EDEM3: variants seen among roughly 807,000 people sequenced by gnomAD.
EDEM3 encodes the protein ER degradation enhancing alpha-mannosidase like protein 3, also known as ER degradation-enhancing alpha-mannosidase-like protein 3.
EDEM3 carries 60 observed loss-of-function variants against 110.2 expected under a neutral mutation model. That is an observed-to-expected ratio of 0.54 (90% CI 0.44 to 0.67). EDEM3 has a LOEUF of 0.67. EDEM3 is among the 30% of genes least tolerant of loss of function. The pLI, the probability that EDEM3 is intolerant of heterozygous loss-of-function variation, is 0.00. For missense variants in EDEM3, 996 were observed against 1,121.0 expected (o/e 0.89, Z 1.59); for synonymous variants, 352 against 382.9 (o/e 0.92, Z 0.94).
In EDEM3 at chr1:184,754,631, C is replaced by T. The variant is rs1296740190; in HGVS notation, c.16G>A (p.Gly6Ser). 2 of 1,584,934 alleles carry T rather than the reference C, an allele frequency of 1.3e-6. No individual in the cohort carries two copies. Among genetic ancestry groups the T allele is most frequent in the Non-Finnish European group, 1.7e-6 (2 of 1,165,978 alleles). The change falls in exon 1 of 20, where the codon GGC (glycine) becomes AGC (serine). Residue 6 changes from glycine to serine, a missense_variant. Around this residue, in one of 5 missense-constraint regions of EDEM3, gnomAD observed 200 missense variants for 183.8 expected, o/e 1.09. Coordinates refer to ENST00000318130, the MANE Select transcript of EDEM3 (RefSeq NM_025191.4). MSEAG[G>S]RGCGSPVPQR... ...GGAACCGGGGACCCACAGCCCCGGC[C>T]GCCGGCTTCGCTCATGGCCCCGCGG...
At chr1:184,704,380 T>C (rs1043193769) in intron 18 of EDEM3, among the ~76,000 whole-genome samples, 2 of 151,832 alleles carry the variant, frequency 1.3e-5, no homozygotes, top group Non-Finnish European at 2.9e-5. Flanking sequence ...TTTGGCTGGG[T>C]GCGGTGGCTC....
intron 15 of EDEM3, among the ~76,000 whole-genome samples, 167 bp downstream of exon 15, chr1:184,711,556 T>A (rs1040738850): frequency 3.9e-5 from 6 of 152,216 alleles, no homozygotes; most frequent in African/African-American, 9.6e-5. Context: ...TAAGCTTTAC[T>A]ATCTAACTTT....
Position 184,732,947 on chromosome 1 carries a change from T to C in EDEM3, c.502A>G (p.Lys168Glu). The change falls in exon 6 of 20, where the codon AAA becomes GAA. Residue 168 changes from lysine to glutamate, a missense_variant. Around this residue, in one of 5 missense-constraint regions of EDEM3, gnomAD observed 310 missense variants for 394.6 expected, o/e 0.79. Coordinates refer to ENST00000318130, the MANE Select transcript of EDEM3 (RefSeq NM_025191.4). Reference sequence around the variant, plus strand: ...TTGTACCACTGCATATATTCACCTTTTTCTTTCAGCATGATTGCCAGGGAG... The same window carrying C: ...TTGTACCACTGCATATATTCACCTTCTTCTTTCAGCATGATTGCCAGGGAG... ...GHSLAIMLKEKGEYMQWYNDE... is the reference protein window; with the variant it reads ...GHSLAIMLKEEGEYMQWYNDE... 4 of 1,614,006 alleles carry C rather than the reference T, an allele frequency of 2.5e-6. No homozygotes were observed. Among genetic ancestry groups the C allele is most frequent in the East Asian group, 2.2e-5 (1 of 44,856 alleles).
At chr1:184,734,693 G>A (rs757194771) in intron 4 of EDEM3, 50 bp from the exon 5 acceptor site, 2 of 651,212 alleles carry the variant, frequency 3.1e-6, no homozygotes, top group South Asian at 5.6e-5. Context: ...AAGACAAGGA[G>A]AAACGTTCCT....
chr1:184,740,054 A>G (rs906673857), intron 2 of EDEM3, among the ~76,000 whole-genome samples: 3 of 152,210 alleles, frequency 2.0e-5, no homozygotes, highest in African/African-American at 7.2e-5. Flanking sequence ...ATTTCTACCT[A>G]CTTGCCACGG....
At position 184,708,223 on chromosome 1, in the gene EDEM3, G is replaced by A. The variant is rs1244494971; in HGVS notation, c.1967C>T (p.Pro656Leu). The change falls in exon 17 of 20, where the codon CCA becomes CTA. Residue 656 changes from proline (P) to leucine (L), a missense_variant. This residue lies in a region of EDEM3 where 345 missense variants were observed against 402.0 expected (regional missense o/e 0.86). Transcript: ENST00000318130. ...PPRAVQIVSH[P>L]FFGRVVLTAG... ...AGTCAATACTACCCTGCCAAAAAAT[G>A]GGTGGGAAACAATTTGTACAGCTCG... 2 of 1,613,638 alleles carry A rather than the reference G, an allele frequency of 1.2e-6. No homozygotes were observed. Among genetic ancestry groups the A allele is most frequent in the Non-Finnish European group, 1.7e-6 (2 of 1,179,862 alleles).
chr1:184,698,451 G>A (rs1649442393), intron 19 of EDEM3, among the ~76,000 whole-genome samples: 1 of 151,740 alleles, frequency 6.6e-6, no homozygotes, highest in South Asian at 2.1e-4. Context: ...GCTTTCAAAA[G>A]AATAAGTTAT....
At chr1:184,738,390 T>A (rs1011629389) in intron 2 of EDEM3, among the ~76,000 whole-genome samples, 4 of 152,168 alleles carry the variant, frequency 2.6e-5, no homozygotes, top group Admixed American at 6.5e-5. Flanking sequence ...CCAGAGTCTA[T>A]CCCCTTAGCA....
In EDEM3 at chr1:184,754,820, C is replaced by T; in HGVS notation, c.-174G>A. On this transcript the variant is annotated 5_prime_UTR_variant, in exon 1 of 20. Transcript: ENST00000318130. ...AAGCCACCAAGCCGGTCCCCAGCGC[C>T]AGCGCTGCCACCGCCCTCCGCCCTC... The T allele has an allele frequency of 9.2e-7, 1 of 1,086,566 alleles. No homozygotes were observed. Among genetic ancestry groups the T allele is most frequent in the Non-Finnish European group, 1.2e-6 (1 of 803,622 alleles). The allele number at this position is 1,086,566 out of a possible 1,614,324, so 67.3% of individuals were successfully genotyped here.
At chr1:184,709,982 T>C (rs12093441) in intron 16 of EDEM3, among the ~76,000 whole-genome samples, 79 of 152,286 alleles carry the variant, frequency 5.2e-4, no homozygotes, top group African/African-American at 1.8e-3. Context: ...ATACCTATGA[T>C]GAACAAAATA....
chr1:184,726,690 C>G (rs554743675), intron 6 of EDEM3, among the ~76,000 whole-genome samples: 2 of 152,276 alleles, frequency 1.3e-5, no homozygotes, highest in East Asian at 1.9e-4. Context: ...GGAAATTACA[C>G]AGAGAAGGTA....
chr1:184,737,182 G>A, intron 3 of EDEM3, 118 bp from the exon 4 acceptor site: 4 of 806,442 alleles, frequency 5.0e-6, no homozygotes, highest in Non-Finnish European at 8.2e-6. Flanking sequence ...GTACTTCCAT[G>A]TATCTATAGT....
At chr1:184,751,437 T>C (rs942588286) in intron 1 of EDEM3, among the ~76,000 whole-genome samples, 9 of 152,166 alleles carry the variant, frequency 5.9e-5, no homozygotes, top group African/African-American at 2.2e-4. Context: ...TTTACAAGCA[T>C]TCAATTTTCA....
chr1:184,706,554 T>C, intron 18 of EDEM3, 89 bp downstream of exon 18: 1 of 1,281,320 alleles, frequency 7.8e-7, no homozygotes. Context: ...TATGACAAAC[T>C]CTTTGATAAA....
At chr1:184,723,671 A>G in intron 8 of EDEM3, 80 bp downstream of exon 8, 1 of 1,109,984 alleles carries the variant, frequency 9.0e-7, no homozygotes, top group South Asian at 1.4e-5. Flanking sequence ...CCCAAAGATT[A>G]TTTTAACAAA....
At chr1:184,753,218 TA>T (rs1224270956) in intron 1 of EDEM3, among the ~76,000 whole-genome samples, 2 of 151,778 alleles carry the variant, frequency 1.3e-5, no homozygotes, top group Admixed American at 6.6e-5. Context: ...TTTTCTTTTT[TA>T]AAAAAAACAT....
chr1:184,695,507 T>G lies in EDEM3; in HGVS notation c.2390-1035A>C, dbSNP rs76584885. The stretch of plus-strand genomic sequence containing the variant: ...CTGACACACATCCTCCCATGTACTT[T>G]AAATCATCTCTTGATTACTTTATAA... On this transcript the variant is annotated intron_variant, in intron 19 of 19. Transcript: ENST00000318130. 1.2e-3 allele frequency among the ~76,000 whole-genome samples: 181 copies of G among 152,208 alleles called. 2 individuals carry two copies. In the East Asian group the frequency reaches 0.033, roughly 28 times the overall value.
chr1:184,737,151 A>G, intron 3 of EDEM3, 87 bp from the exon 4 acceptor site: 1 of 1,144,436 alleles, frequency 8.7e-7, no homozygotes, highest in South Asian at 1.3e-5. Context: ...CATTCTATTG[A>G]CTGGTAGTTT....
intron 1 of EDEM3, among the ~76,000 whole-genome samples, chr1:184,749,842 T>C (rs964741132): frequency 1.3e-5 from 2 of 152,232 alleles, no homozygotes; most frequent in Non-Finnish European, 2.9e-5. Flanking sequence ...ATTCATCTTA[T>C]AATTTTTCCT....
Sources: gnomAD v4.1 joint callset for allele counts (sites outside exome capture counted in the v4.1 genomes callset) on GRCh38, gnomAD v4.1.1 for gene constraint, gnomAD v4.1.1 regional missense constraint, MANE v1.5 for transcripts, NCBI Gene and HGNC (gene_info 2026-07-23, HGNC 2026-07-21) for gene names.